CRYBG1: variants seen among roughly 807,000 people sequenced by gnomAD.
CRYBG1 encodes beta/gamma crystallin domain-containing protein 1.
A neutral mutation model predicts 189.2 loss-of-function variants in CRYBG1; 139 were observed. The ratio of observed to expected loss-of-function variants is 0.73; its 90% CI spans 0.64 to 0.85. The LOEUF is 0.85. Ranked by LOEUF, CRYBG1 falls within the 40% of genes least tolerant of loss-of-function variation. The probability of loss-of-function intolerance (pLI) is 0.00; values close to 1 mark genes in which losing one functional copy is unlikely to be tolerated. For synonymous variants in CRYBG1, 1,023 were observed against 1,017.1 expected, an observed-to-expected ratio of 1.01 and a Z score of -0.11; for missense variants, 2,611 against 2,675.8, an observed-to-expected ratio of 0.98 and a Z score of 0.53.
At chr6:106,509,505 C>A (rs1291140181) in intron 2 of CRYBG1, among the ~76,000 whole-genome samples, 3 of 152,186 alleles carry the variant, frequency 2.0e-5, no homozygotes, top group Non-Finnish European at 2.9e-5. Context: ...ACAAGAGCTC[C>A]GAGCGGCTGC....
intron 1 of CRYBG1, among the ~76,000 whole-genome samples, chr6:106,385,473 G>C (rs529471308): frequency 6.6e-6 from 1 of 152,300 alleles, no homozygotes; most frequent in East Asian, 1.9e-4. Context: ...CAGCTACTCT[G>C]TCCATGCATA....
At chr6:106,374,989 T>A (rs553231178) in intron 1 of CRYBG1, among the ~76,000 whole-genome samples, 1 of 152,270 alleles carries the variant, frequency 6.6e-6, no homozygotes, top group African/African-American at 2.4e-5. Context: ...TTTAGAATTG[T>A]TTTTATTTTG....
intron 1 of CRYBG1, among the ~76,000 whole-genome samples, chr6:106,437,310 C>T (rs74663333): frequency 0.013 from 2,016 of 152,162 alleles, 20 homozygotes; most frequent in Non-Finnish European, 0.021. Context: ...TGGCTCTTAA[C>T]TAATCATCAG....
intron 2 of CRYBG1, among the ~76,000 whole-genome samples, chr6:106,466,805 AT>A (rs1230264076): frequency 6.6e-6 from 1 of 152,196 alleles, no homozygotes; most frequent in East Asian, 1.9e-4. Flanking sequence ...AGGAAGTAGA[AT>A]TTTTTTAGGA....
At chr6:106,549,111 T>C (rs1175178261) in intron 13 of CRYBG1, among the ~76,000 whole-genome samples, 1 of 152,070 alleles carries the variant, frequency 6.6e-6, no homozygotes, top group Non-Finnish European at 1.5e-5. Flanking sequence ...CCATGGTGTA[T>C]ATGTGCCACA....
intron 1 of CRYBG1, among the ~76,000 whole-genome samples, chr6:106,415,982 A>G (rs1053603500): frequency 2.6e-5 from 4 of 151,714 alleles, no homozygotes; most frequent in African/African-American, 9.7e-5. Context: ...CAGTCCTCTT[A>G]GGGGAGCCCA....
At position 106,512,755 on chromosome 6, in the gene CRYBG1, C is replaced by A; in HGVS notation, c.1638C>A (p.Pro546=). 1.3e-6 allele frequency: 2 copies of A among 1,573,334 alleles called. No individual in the cohort carries two copies. Among genetic ancestry groups the A allele is most frequent in the Non-Finnish European group, 8.6e-7 (1 of 1,159,454 alleles). Residue 546 remains proline (P), a synonymous_variant, in exon 3 of 22, where the codon CCC becomes CCA. Transcript: ENST00000633556. ...PAKESPPKRV[P]DPSPVTKGTA... ...AGGAGTCCCCACCCAAGAGGGTGCC[C>A]GATCCCAGCCCAGTCACCAAGGGCA...
At chr6:106,556,651 T>C (rs1029860842) in intron 17 of CRYBG1, among the ~76,000 whole-genome samples, 3 of 152,222 alleles carry the variant, frequency 2.0e-5, no homozygotes, top group Non-Finnish European at 4.4e-5. Context: ...TATTAAAGTC[T>C]GGAAGTATCT....
At chr6:106,388,619 T>TA (rs1225597610) in intron 1 of CRYBG1, among the ~76,000 whole-genome samples, 1 of 152,228 alleles carries the variant, frequency 6.6e-6, no homozygotes, top group Non-Finnish European at 1.5e-5. Flanking sequence ...AGTAGAATTA[T>TA]AATTTCTGGC....
chr6:106,495,834 A>C (rs1416146013), intron 2 of CRYBG1, among the ~76,000 whole-genome samples: 3 of 150,976 alleles, frequency 2.0e-5, no homozygotes, highest in South Asian at 2.1e-4. Context: ...AAAAAAAAAA[A>C]AAACAACTTT....
intron 20 of CRYBG1, among the ~76,000 whole-genome samples, chr6:106,562,114 A>T (rs1774736359): frequency 6.6e-6 from 1 of 151,468 alleles, no homozygotes; most frequent in South Asian, 2.1e-4. Flanking sequence ...TTCTTTAAAA[A>T]AACAAAACAA....
At chr6:106,486,480 G>A (rs1341101225) in intron 2 of CRYBG1, among the ~76,000 whole-genome samples, 1 of 152,040 alleles carries the variant, frequency 6.6e-6, no homozygotes, top group Non-Finnish European at 1.5e-5. Flanking sequence ...CTATGACATA[G>A]TTTGTTGATT....
chr6:106,433,884 C>G (rs1301793444), intron 1 of CRYBG1, among the ~76,000 whole-genome samples: 1 of 150,782 alleles, frequency 6.6e-6, no homozygotes, highest in Non-Finnish European at 1.5e-5. Flanking sequence ...AACAAATTAC[C>G]CCAAAATTTA....
intron 1 of CRYBG1, among the ~76,000 whole-genome samples, chr6:106,386,073 G>A (rs985395615): frequency 6.6e-6 from 1 of 152,174 alleles, no homozygotes; most frequent in African/African-American, 2.4e-5. Flanking sequence ...AGTTTTGAAG[G>A]TTTCATGGCT....
intron 13 of CRYBG1, among the ~76,000 whole-genome samples, chr6:106,549,942 G>A (rs988385767): frequency 3.9e-5 from 6 of 152,192 alleles, no homozygotes; most frequent in Admixed American, 3.9e-4. Flanking sequence ...AAATGAAAGG[G>A]AACTTTCCAG....
intron 19 of CRYBG1, 125 bp from the exon 20 acceptor site, chr6:106,561,217 G>C: frequency 8.9e-7 from 1 of 1,120,368 alleles, no homozygotes; most frequent in Admixed American, 2.6e-5. Flanking sequence ...AAACCTCTGA[G>C]ACTCTTGAGT....
At chr6:106,432,873 T>C (rs1771360374) in intron 1 of CRYBG1, among the ~76,000 whole-genome samples, 2 of 139,044 alleles carry the variant, frequency 1.4e-5, no homozygotes, top group African/African-American at 2.7e-5. Context: ...AGAGTCTCAC[T>C]CTGTTGCCCA....
At position 106,563,878 on chromosome 6, in the gene CRYBG1, G is replaced by A; in HGVS notation, c.6253G>A (p.Gly2085Ser). 6.2e-7 allele frequency: 1 copy of A among 1,613,528 alleles called. No individual in the cohort carries two copies. The highest frequency in any genetic ancestry group is 8.5e-7 in the Non-Finnish European group (1 of 1,179,482). The change falls in exon 21 of 22, where the codon GGC becomes AGC. Residue 2085 changes from glycine to serine, a missense_variant. Physicochemically the swap from Gly to Ser is moderately conservative, Grantham distance 56. Coordinates refer to ENST00000633556, the MANE Select transcript of CRYBG1 (RefSeq NM_001371242.2). ...CCAGTTCTGGAGCTTGAAGTCCGAT[G>A]GCAGGATTTACAGCAAGTTGAAGCC... Reference protein sequence around the residue: ...DSQFWSLKSDGRIYSKLKPNL... With the variant: ...DSQFWSLKSDSRIYSKLKPNL...
intron 2 of CRYBG1, among the ~76,000 whole-genome samples, chr6:106,498,760 G>A (rs952994234): frequency 3.9e-5 from 6 of 152,082 alleles, no homozygotes; most frequent in Admixed American, 6.6e-5. Flanking sequence ...TGTAATCCCA[G>A]CTACTCAGAA....
Sources: allele counts gnomAD v4.1 joint callset (sites outside exome capture counted in the v4.1 genomes callset), GRCh38; gene constraint gnomAD v4.1.1; transcripts MANE v1.5; gene names NCBI Gene and HGNC (gene_info 2026-07-23, HGNC 2026-07-21).